The following TACC2 variants were observed in gnomAD, a reference collection of about 807,000 sequenced individuals.
TACC2 encodes the protein transforming acidic coiled-coil-containing protein 2.
Under a neutral mutation model 227.3 loss-of-function variants are expected in TACC2, and 137 were observed. The observed-to-expected ratio is 0.60, with a 90% CI of 0.52 to 0.69. The LOEUF (loss-of-function observed/expected upper bound fraction) is 0.69. TACC2 is among the 30% of genes least tolerant of loss of function. The pLI is 0.00. For synonymous variants in TACC2, 1,523 were observed against 1,487.5 expected, an observed-to-expected ratio of 1.02 and a Z score of -0.55; for missense variants, 3,470 against 3,694.4, an observed-to-expected ratio of 0.94 and a Z score of 1.57.
intron 2 of TACC2, among the ~76,000 whole-genome samples, chr10:122,026,382 G>GTGC (rs1363430480): frequency 4.8e-5 from 7 of 146,680 alleles, no homozygotes; most frequent in Admixed American, 3.4e-4. Flanking sequence ...GCTCTTAGGG[G>GTGC]TGCTGCTTTT....
chr10:122,201,073 C>T (rs12776885), intron 8 of TACC2, among the ~76,000 whole-genome samples: 15 of 139,456 alleles, frequency 1.1e-4, no homozygotes, highest in South Asian at 2.3e-4. Flanking sequence ...AGTGAGAGGA[C>T]GGCCACCTCA....
At position 122,183,622 on chromosome 10, in the gene TACC2, A is replaced by G. The variant is rs111719618; in HGVS notation, c.5835-11418A>G. ...TGGCTGGCTGCCCCCGTGGGCTGCT[A>G]TGGATCTAGATGCAGAAACTCTGCT... On this transcript the variant is annotated intron_variant, in intron 7 of 22. Transcript: ENST00000369005. Among the ~76,000 whole-genome samples, 6 of 152,312 alleles carry G rather than the reference A, an allele frequency of 3.9e-5. 1 individual carries two copies. Among genetic ancestry groups the G allele is most frequent in the African/African-American group, 1.4e-4 (6 of 41,572 alleles).
chr10:122,161,713 A>T (rs187641421), intron 7 of TACC2, among the ~76,000 whole-genome samples: 72 of 152,322 alleles, frequency 4.7e-4, no homozygotes, highest in African/African-American at 1.7e-3. Flanking sequence ...TTGGCAGATG[A>T]GTTCTAATTG....
At chr10:122,247,351 C>T (rs1204255083) in intron 19 of TACC2, 1 of 152,286 alleles carries the variant, frequency 6.6e-6, no homozygotes, top group South Asian at 2.1e-4. Context: ...TCCCCAGTGA[C>T]GAGGGCCTGG....
At chr10:122,167,628 T>G (rs949432443) in intron 7 of TACC2, among the ~76,000 whole-genome samples, 1 of 152,190 alleles carries the variant, frequency 6.6e-6, no homozygotes, top group African/African-American at 2.4e-5. Context: ...CCTTCCCTTA[T>G]GTGGTTCCTG....
In TACC2 at chr10:122,100,961, G is replaced by A. The variant is rs757223679; in HGVS notation, c.5573+12370G>A. 4.2e-4 allele frequency among the ~76,000 whole-genome samples: 64 copies of A among 152,204 alleles called. 2 individuals carry two copies. Among genetic ancestry groups the A allele is most frequent in the Non-Finnish European group, 6.3e-4 (43 of 68,012 alleles). On this transcript the variant is annotated intron_variant, in intron 5 of 22. Coordinates refer to ENST00000369005, the MANE Select transcript of TACC2 (RefSeq NM_206862.4). Reference sequence around the variant, plus strand: ...TCTGGTTCAAGAGGCTCAGACAAACGTTGTTCTGTGAAGCCTTCCCGACCC... The same window carrying A: ...TCTGGTTCAAGAGGCTCAGACAAACATTGTTCTGTGAAGCCTTCCCGACCC...
At chr10:122,159,808 G>A (rs1432903459) in intron 7 of TACC2, among the ~76,000 whole-genome samples, 3 of 152,168 alleles carry the variant, frequency 2.0e-5, no homozygotes, top group Non-Finnish European at 1.5e-5. Flanking sequence ...TTTCCTGAGT[G>A]TATGTGCTCG....
Position 122,203,459 on chromosome 10 carries a change from G to T in TACC2, c.5972-6938G>T, listed in dbSNP as rs531148214. Among the ~76,000 whole-genome samples the T allele has an allele frequency of 4.6e-5, 7 of 151,304 alleles. No individual in the cohort carries two copies. In the South Asian group the frequency reaches 1.5e-3, roughly 32 times the overall value. ...TCCCGGACGAGGTGGCTGCCGGGTG[G>T]AGACGCTCCTCACTTCCCAGACGGG... On this transcript the variant is annotated intron_variant, in intron 8 of 22. Transcript: ENST00000369005.
rs142882624 is a variant in TACC2 at position 122,205,585 on chromosome 10, T to G, written c.5972-4812T>G. Among the ~76,000 whole-genome samples the G allele has an allele frequency of 1.9e-4, 29 of 152,290 alleles. No individual in the cohort carries two copies. Among genetic ancestry groups the G allele is most frequent in the African/African-American group, 6.0e-4 (25 of 41,574 alleles). On this transcript the variant is annotated intron_variant, in intron 8 of 22. Coordinates refer to ENST00000369005, the MANE Select transcript of TACC2 (RefSeq NM_206862.4). The surrounding 1 kb of genome is among the most constrained non-coding windows in gnomAD (Gnocchi z 4.5). Reference sequence around the variant, plus strand: ...GTTTAAGAATGAGGATAGGCCCAGATAGAAGCAGATGAGGTGAGATAGCCC... The same window carrying G: ...GTTTAAGAATGAGGATAGGCCCAGAGAGAAGCAGATGAGGTGAGATAGCCC...
intron 7 of TACC2, among the ~76,000 whole-genome samples, chr10:122,156,609 C>T (rs1459446556): frequency 6.6e-6 from 1 of 152,310 alleles, no homozygotes; most frequent in Non-Finnish European, 1.5e-5. Flanking sequence ...CACCTTCTGT[C>T]CTCATCCTGG....
rs374402969 is a variant in TACC2, at chr10:122,088,614, T to G, written c.5573+23T>G. On this transcript the variant is annotated intron_variant, in intron 5 of 22. Coordinates refer to ENST00000369005, the MANE Select transcript of TACC2 (RefSeq NM_206862.4). ...AAGGTCAGCGAAAGATATTGGTCTT[T>G]GGAAGGCCATGATGCCTTCCTTAGA... The G allele has an allele frequency of 5.6e-6, 9 of 1,604,996 alleles. No individual in the cohort carries two copies. In the Admixed American group the frequency reaches 1.5e-4, roughly 27 times the overall value.
At chr10:122,157,914 G>A (rs1363877241) in intron 7 of TACC2, among the ~76,000 whole-genome samples, 1 of 151,902 alleles carries the variant, frequency 6.6e-6, no homozygotes, top group Non-Finnish European at 1.5e-5. Context: ...CTTTTCGAAC[G>A]TGGTATGTGT....
At chr10:122,015,364 G>C (rs1223897635) in intron 1 of TACC2, among the ~76,000 whole-genome samples, 1 of 151,836 alleles carries the variant, frequency 6.6e-6, no homozygotes, top group African/African-American at 2.4e-5. Context: ...AATTAGCTGG[G>C]AGTGGTGGCA....
intron 7 of TACC2, among the ~76,000 whole-genome samples, chr10:122,183,452 C>T (rs1001030496): frequency 1.3e-5 from 2 of 152,112 alleles, no homozygotes; most frequent in Non-Finnish European, 2.9e-5. Context: ...CTGGGAAGAC[C>T]TCCATGTGAC....
At position 122,210,836 on chromosome 10, in the gene TACC2, G is replaced by T; in HGVS notation, c.6411G>T (p.Lys2137Asn). Residue 2137 changes from lysine (K) to asparagine (N), a missense_variant, in exon 9 of 23, where the codon AAG becomes AAT. This residue lies in a region of TACC2 where 593 missense variants were observed against 636.6 expected (regional missense o/e 0.93). Coordinates refer to ENST00000369005, the MANE Select transcript of TACC2 (RefSeq NM_206862.4). The surrounding 1 kb of genome is among the most constrained non-coding windows in gnomAD (Gnocchi z 4.6). ...TKKPRPPSLK[K>N]KQTTKKPTET... ...AACCGAGGCCGCCTTCCTTAAAAAAGAAACAGACCACCAAGAAACCCACAG... is the reference window on the plus strand; with the variant it reads ...AACCGAGGCCGCCTTCCTTAAAAAATAAACAGACCACCAAGAAACCCACAG... The T allele has an allele frequency of 6.2e-7, 1 of 1,611,522 alleles. No homozygotes were observed. The highest frequency in any genetic ancestry group is 8.5e-7 in the Non-Finnish European group (1 of 1,179,462).
At chr10:122,057,890 G>A (rs936446090) in intron 3 of TACC2, among the ~76,000 whole-genome samples, 2 of 152,140 alleles carry the variant, frequency 1.3e-5, no homozygotes, top group African/African-American at 2.4e-5. Context: ...CAACCTTCCC[G>A]TACCTGCTCC....
intron 5 of TACC2, among the ~76,000 whole-genome samples, chr10:122,102,957 A>G (rs558137437): frequency 1.3e-5 from 2 of 152,196 alleles, no homozygotes; most frequent in East Asian, 3.9e-4. Flanking sequence ...CCCTTCTACA[A>G]ATATGCCTCC....
At position 122,034,701 on chromosome 10, in the gene TACC2, G is replaced by A. The variant is rs997741965; in HGVS notation, c.33+12687G>A. ...AATCTCAGCACTTTGGGAGGCCGAG[G>A]TGGGTGGATCACAGGGTCAGGAGTT... On this transcript the variant is annotated intron_variant, in intron 2 of 22. Transcript: ENST00000369005. 3.9e-5 allele frequency among the ~76,000 whole-genome samples: 6 copies of A among 152,086 alleles called. No individual in the cohort carries two copies. In the East Asian group the frequency reaches 1.2e-3, roughly 29 times the overall value.
chr10:122,027,344 AT>A (rs1393549675), intron 2 of TACC2, among the ~76,000 whole-genome samples: 1 of 152,086 alleles, frequency 6.6e-6, no homozygotes, highest in Non-Finnish European at 1.5e-5. Flanking sequence ...TTTCTTGTAT[AT>A]TTTGGATAAA....
Sources: allele counts gnomAD v4.1 joint callset (sites outside exome capture counted in the v4.1 genomes callset), GRCh38; gene constraint gnomAD v4.1.1; regional missense constraint gnomAD v4.1.1; non-coding constraint Gnocchi (gnomAD v3.1); transcripts MANE v1.5; gene names NCBI Gene and HGNC (gene_info 2026-07-23, HGNC 2026-07-21).